HELZ: variants seen among roughly 807,000 people sequenced by gnomAD.
HELZ encodes ATP-dependent RNA helicase with zinc finger domain.
Under a neutral mutation model 218.2 loss-of-function variants are expected in HELZ, and 23 were observed. The observed-to-expected ratio is 0.11, with a 90% CI of 0.08 to 0.15. HELZ has a LOEUF of 0.15. HELZ is among the 10% of genes least tolerant of loss of function. The pLI is 1.00. For synonymous variants in HELZ, 814 were observed against 829.4 expected, an observed-to-expected ratio of 0.98 and a Z score of 0.32; for missense variants, 1,813 against 2,353.7, an observed-to-expected ratio of 0.77 and a Z score of 4.75.
intron 31 of HELZ, among the ~76,000 whole-genome samples, chr17:67,099,860 T>C (rs1413644028): frequency 6.6e-6 from 1 of 151,682 alleles, no homozygotes; most frequent in African/African-American, 2.4e-5. Flanking sequence ...TTAACGATGG[T>C]GCCAGAAATT....
At chr17:67,113,145 T>C (rs1240539425) in intron 28 of HELZ, among the ~76,000 whole-genome samples, 1 of 152,216 alleles carries the variant, frequency 6.6e-6, no homozygotes, top group Non-Finnish European at 1.5e-5. Context: ...TTGCTTACTT[T>C]AGGCTAAAAG....
At chr17:67,131,994 C>T (rs2037999921) in intron 23 of HELZ, among the ~76,000 whole-genome samples, 1 of 152,174 alleles carries the variant, frequency 6.6e-6, no homozygotes, top group South Asian at 2.1e-4. Context: ...TTCTCAGCCC[C>T]CTCCCTAAAA....
chr17:67,190,901 G>A (rs2039876524), intron 9 of HELZ, among the ~76,000 whole-genome samples: 1 of 152,036 alleles, frequency 6.6e-6, no homozygotes, highest in African/African-American at 2.4e-5. Flanking sequence ...GTAGAGACGG[G>A]GTTTCATCAT....
At chr17:67,221,261 G>A (rs1340132512) in intron 3 of HELZ, among the ~76,000 whole-genome samples, 4 of 152,158 alleles carry the variant, frequency 2.6e-5, no homozygotes, top group East Asian at 3.9e-4. Flanking sequence ...TCAGTAGCAC[G>A]TCCCCTGACT....
At chr17:67,137,802 G>T in intron 22 of HELZ, 129 bp downstream of exon 22, 1 of 642,404 alleles carries the variant, frequency 1.6e-6, no homozygotes, top group Non-Finnish European at 2.5e-6. Flanking sequence ...GCCAAACCTG[G>T]CATTAAAGAA....
At chr17:67,091,062 C>T (rs1276721815) in intron 31 of HELZ, among the ~76,000 whole-genome samples, 2 of 151,932 alleles carry the variant, frequency 1.3e-5, no homozygotes, top group East Asian at 1.9e-4. Context: ...CTATAAATTT[C>T]CCTCTGACAT....
chr17:67,188,488 T>C lies in HELZ; in HGVS notation c.993A>G (p.Glu331=), dbSNP rs373298100. ...VSQEVPENCQ[E]WIGGKMAQNG... ...TTTGGGCCATCTTTCCTCCTATCCA[T>C]TCTTGACAGTTTTCTGGGACTTCTT... is the stretch of plus-strand genomic sequence containing the variant. Residue 331 remains glutamate, a synonymous_variant, in exon 12 of 33, where the codon GAA becomes GAG. Transcript: ENST00000358691. The surrounding 1 kb of genome is among the most constrained non-coding windows in gnomAD (Gnocchi z 4.1). 2.0e-5 allele frequency: 33 copies of C among 1,614,000 alleles called. No homozygotes were observed. In the East Asian group the frequency reaches 2.5e-4, roughly 12 times the overall value.
intron 13 of HELZ, 92 bp from the exon 14 acceptor site, chr17:67,167,888 TA>T: frequency 8.3e-6 from 7 of 841,742 alleles, no homozygotes; most frequent in Non-Finnish European, 1.3e-5. Flanking sequence ...AATATAAACA[TA>T]CCAAAAATTA....
Position 67,108,749 on chromosome 17 carries a change from T to C in HELZ, c.4490-23A>G, listed in dbSNP as rs769772899. On this transcript the variant is annotated intron_variant, in intron 29 of 32. Coordinates refer to ENST00000358691, the MANE Select transcript of HELZ (RefSeq NM_014877.4). This position sits in a 1 kb window ranked among gnomAD's most constrained non-coding sequence, Gnocchi z 4.1. Reference sequence around the variant, plus strand: ...GATCTGCAAAAATATTTGTGAAAAATTTTTTATGAATTTGGGGTTTCAAGT... The same window carrying C: ...GATCTGCAAAAATATTTGTGAAAAACTTTTTATGAATTTGGGGTTTCAAGT... The C allele has an allele frequency of 2.0e-6, 3 of 1,521,040 alleles. No homozygotes were observed. The South Asian group carries it at 3.8e-5, about 19-fold the overall frequency. 94.2% of individuals were successfully genotyped at this position (1,521,040 alleles called of 1,614,324 possible). A position where few individuals can be genotyped will look rare whatever the true frequency, so the allele number is the denominator to read the frequency against.
intron 15 of HELZ, 34 bp from the exon 16 acceptor site, chr17:67,161,110 C>T (rs190255784): frequency 4.1e-5 from 61 of 1,491,106 alleles, no homozygotes; most frequent in Non-Finnish European, 5.0e-5. Flanking sequence ...TAAACACATG[C>T]ATCTCGTTAA....
chr17:67,113,291 G>A (rs949659475), intron 28 of HELZ, among the ~76,000 whole-genome samples: 1 of 151,750 alleles, frequency 6.6e-6, no homozygotes, highest in Admixed American at 6.6e-5. Flanking sequence ...ACAGAGTCTC[G>A]CTCTGTCGCC....
At chr17:67,109,775 A>G in intron 28 of HELZ, 89 bp from the exon 29 acceptor site, 1 of 882,584 alleles carries the variant, frequency 1.1e-6, no homozygotes, top group Non-Finnish European at 1.7e-6. Flanking sequence ...CATCTAAAGG[A>G]TATGATACAT....
chr17:67,188,476 T>G lies in HELZ; in HGVS notation c.1005A>C (p.Gly335=). ...GATCTAATCCATTTTGGGCCATCTT[T>G]CCTCCTATCCATTCTTGACAGTTTT... ...VPENCQEWIG[G]KMAQNGLDHY... Residue 335 remains glycine (G), a synonymous_variant, in exon 12 of 33, where the codon GGA becomes GGC. Transcript: ENST00000358691. This position sits in a 1 kb window ranked among gnomAD's most constrained non-coding sequence, Gnocchi z 4.1. 6.2e-7 allele frequency: 1 copy of G among 1,613,978 alleles called. No homozygotes were observed. The highest frequency in any genetic ancestry group is 8.5e-7 in the Non-Finnish European group (1 of 1,179,872).
chr17:67,170,231 T>G (rs1225219694), intron 13 of HELZ, among the ~76,000 whole-genome samples: 2 of 152,232 alleles, frequency 1.3e-5, no homozygotes, highest in East Asian at 3.8e-4. Flanking sequence ...TAGTGGGGAC[T>G]CTGCACAGTG....
At chr17:67,238,173 G>C (rs1186361150) in intron 3 of HELZ, among the ~76,000 whole-genome samples, 1 of 149,408 alleles carries the variant, frequency 6.7e-6, no homozygotes, top group African/African-American at 2.5e-5. Context: ...ATGAAACCCC[G>C]TCTTTACTAA....
At chr17:67,101,035 G>A (rs866668912) in intron 31 of HELZ, among the ~76,000 whole-genome samples, 3 of 151,730 alleles carry the variant, frequency 2.0e-5, no homozygotes, top group Admixed American at 6.6e-5. Flanking sequence ...GCATGAACCC[G>A]GGAGGCGGAG....
At chr17:67,089,668 T>TATATATATAGAGAGAGAGAGAG (rs71293575) in intron 31 of HELZ, among the ~76,000 whole-genome samples, 54 of 70,622 alleles carry the variant, frequency 7.6e-4, no homozygotes, top group Non-Finnish European at 1.3e-3. Flanking sequence ...TATATATATA[T>TATATATATAGAGAGAGAGAGAG]AGAGAGAGAG....
At chr17:67,112,158 T>C (rs1364466473) in intron 28 of HELZ, among the ~76,000 whole-genome samples, 1 of 152,192 alleles carries the variant, frequency 6.6e-6, no homozygotes. Flanking sequence ...TTCCTCTTAA[T>C]ACTGAGGAGG....
At chr17:67,178,982 T>C in intron 12 of HELZ, 56 bp from the exon 13 acceptor site, 1 of 1,179,254 alleles carries the variant, frequency 8.5e-7, no homozygotes, top group Non-Finnish European at 1.2e-6. Flanking sequence ...AATTTTTAAA[T>C]AACATTAAAA....
Sources: gnomAD v4.1 joint callset for allele counts (sites outside exome capture counted in the v4.1 genomes callset) on GRCh38, gnomAD v4.1.1 for gene constraint, Gnocchi (gnomAD v3.1) non-coding constraint, MANE v1.5 for transcripts, NCBI Gene and HGNC (gene_info 2026-07-23, HGNC 2026-07-21) for gene names.